The following CSMD1 variants were observed in gnomAD, a reference collection of about 807,000 sequenced individuals.
The protein encoded by CSMD1 is CUB and Sushi multiple domains 1, also known as CUB and sushi domain-containing protein 1.
In CSMD1, 213 loss-of-function variants were observed where a neutral mutation model predicts 417.5. The observed-to-expected ratio is 0.51, with a 90% CI of 0.46 to 0.57. CSMD1 has a LOEUF of 0.57. CSMD1 is among the 20% of genes least tolerant of loss of function. The probability of loss-of-function intolerance (pLI) is 0.00; values close to 1 mark genes in which losing one functional copy is unlikely to be tolerated. For synonymous variants in CSMD1, 2,862 were observed against 1,736.8 expected (o/e 1.65, Z -16.11); for missense variants, 6,923 against 4,529.7 (o/e 1.53, Z -15.17).
At chr8:3,240,163 G>C (rs1799405724) in intron 26 of CSMD1, among the ~76,000 whole-genome samples, 1 of 152,110 alleles carries the variant, frequency 6.6e-6, no homozygotes, top group Non-Finnish European at 1.5e-5. Flanking sequence ...ACTCGGTGCG[G>C]TCCCGGTTCT....
chr8:4,409,392 T>A (rs1796520938), intron 3 of CSMD1, among the ~76,000 whole-genome samples: 1 of 152,150 alleles, frequency 6.6e-6, no homozygotes, highest in Non-Finnish European at 1.5e-5. Context: ...AATTTACCCT[T>A]TCTCAGTGAT....
chr8:3,396,378 A>G lies in CSMD1; in HGVS notation c.2409T>C (p.Phe803=). The G allele has an allele frequency of 6.4e-7, 1 of 1,572,660 alleles. No individual in the cohort carries two copies. The highest frequency in any genetic ancestry group is 8.6e-7 in the Non-Finnish European group (1 of 1,159,406). The change falls in exon 17 of 70, where the codon TTT becomes TTC. Residue 803 remains phenylalanine (F), a synonymous_variant. Coordinates refer to ENST00000635120, the MANE Select transcript of CSMD1 (RefSeq NM_033225.6). ...AGGTGTCATAATTGACCTCTGTCTG[A>G]AATCTGCAAATATATACATCCCATC... ...GHSIKITFDR[F]QTEVNYDTLE...
At chr8:3,836,909 A>G (rs1225594953) in intron 5 of CSMD1, among the ~76,000 whole-genome samples, 2 of 151,938 alleles carry the variant, frequency 1.3e-5, no homozygotes, top group Non-Finnish European at 2.9e-5. Context: ...TTTTCAGGAC[A>G]TTATTTTCCT....
At chr8:4,180,303 CATT>C (rs1306330669) in intron 3 of CSMD1, among the ~76,000 whole-genome samples, 8 of 151,778 alleles carry the variant, frequency 5.3e-5, no homozygotes, top group Non-Finnish European at 8.8e-5. Context: ...TGGAAATCAT[CATT>C]GTCAGTAAAC....
chr8:4,149,097 G>T (rs1050040429), intron 3 of CSMD1, among the ~76,000 whole-genome samples: 1 of 151,974 alleles, frequency 6.6e-6, no homozygotes, highest in Non-Finnish European at 1.5e-5. Flanking sequence ...CCAAGTAGCT[G>T]GGATTACAGG....
chr8:3,674,736 C>T (rs754633519), intron 7 of CSMD1, among the ~76,000 whole-genome samples: 1 of 152,106 alleles, frequency 6.6e-6, no homozygotes, highest in Admixed American at 6.6e-5. Flanking sequence ...CAAGTCCCTG[C>T]CCTTCATCCC....
In CSMD1 at chr8:4,418,035, G is replaced by C. The variant is rs369014933; in HGVS notation, c.415+1918C>G. 2.0e-3 allele frequency among the ~76,000 whole-genome samples: 302 copies of C among 151,934 alleles called. 1 individual carries two copies. Among genetic ancestry groups the C allele is most frequent in the African/African-American group, 6.9e-3 (285 of 41,448 alleles). Reference sequence around the variant, plus strand: ...CAAATAACGCACACTCATTTTTGCAGGAGACCTGGAAGCTAACTGATAAAT... The same window carrying C: ...CAAATAACGCACACTCATTTTTGCACGAGACCTGGAAGCTAACTGATAAAT... On this transcript the variant is annotated intron_variant, in intron 3 of 69. Coordinates refer to ENST00000635120, the MANE Select transcript of CSMD1 (RefSeq NM_033225.6).
At chr8:4,607,641 T>A (rs1800949343) in intron 2 of CSMD1, among the ~76,000 whole-genome samples, 1 of 152,148 alleles carries the variant, frequency 6.6e-6, no homozygotes. Flanking sequence ...TTTTTTGGTG[T>A]AAAAATGGAT....
chr8:4,129,066 G>C (rs557526034), intron 3 of CSMD1, among the ~76,000 whole-genome samples: 4 of 97,656 alleles, frequency 4.1e-5, no homozygotes, highest in African/African-American at 1.6e-4. Context: ...CAGAGTGAGA[G>C]TCCAACTCAA....
At chr8:4,977,089 C>T (rs552588036) in intron 1 of CSMD1, among the ~76,000 whole-genome samples, 3 of 152,282 alleles carry the variant, frequency 2.0e-5, no homozygotes, top group Non-Finnish European at 2.9e-5. Flanking sequence ...ATTGGCGTTT[C>T]TCTCAAGATG....
At chr8:4,892,888 C>T (rs991298186) in intron 1 of CSMD1, among the ~76,000 whole-genome samples, 1 of 152,074 alleles carries the variant, frequency 6.6e-6, no homozygotes. Flanking sequence ...AGACTGTTTT[C>T]CCTTTGGCTT....
intron 2 of CSMD1, among the ~76,000 whole-genome samples, chr8:4,566,071 C>T (rs1798592104): frequency 6.6e-6 from 1 of 151,948 alleles, no homozygotes; most frequent in African/African-American, 2.4e-5. Flanking sequence ...GATATATTAA[C>T]TCTGTTCTTC....
At chr8:4,456,078 A>G (rs1353524284) in intron 2 of CSMD1, among the ~76,000 whole-genome samples, 1 of 128,606 alleles carries the variant, frequency 7.8e-6, no homozygotes, top group Non-Finnish European at 1.7e-5. Flanking sequence ...AAAAAAAAAA[A>G]AAAATGTGAA....
intron 7 of CSMD1, among the ~76,000 whole-genome samples, chr8:3,640,874 G>A (rs971874058): frequency 2.6e-5 from 4 of 152,002 alleles, no homozygotes; most frequent in Non-Finnish European, 5.9e-5. Context: ...TATTGTTAAT[G>A]ATGTCAGTAT....
chr8:4,707,174 T>G (rs1563184945), intron 1 of CSMD1, among the ~76,000 whole-genome samples: 1 of 152,190 alleles, frequency 6.6e-6, no homozygotes, highest in Non-Finnish European at 1.5e-5. Flanking sequence ...TAACTTCCTC[T>G]TATTGAATAG....
chr8:4,414,277 AC>A (rs1389433693), intron 3 of CSMD1, among the ~76,000 whole-genome samples: 1 of 152,198 alleles, frequency 6.6e-6, no homozygotes, highest in African/African-American at 2.4e-5. Flanking sequence ...CAACAGAGTG[AC>A]ACCCTGGTAA....
intron 3 of CSMD1, among the ~76,000 whole-genome samples, chr8:4,379,847 C>T (rs1481856001): frequency 3.3e-5 from 5 of 152,162 alleles, no homozygotes; most frequent in East Asian, 1.9e-4. Flanking sequence ...GTGATCCCTG[C>T]TAGGAGACAG....
chr8:4,543,096 A>G (rs1797472759), intron 2 of CSMD1, among the ~76,000 whole-genome samples: 1 of 152,200 alleles, frequency 6.6e-6, no homozygotes, highest in Admixed American at 6.5e-5. Context: ...CCTATTATCA[A>G]CATCCTGCAT....
intron 3 of CSMD1, among the ~76,000 whole-genome samples, chr8:4,067,904 C>T (rs552450416): frequency 1.3e-5 from 2 of 151,996 alleles, no homozygotes; most frequent in African/African-American, 4.8e-5. Flanking sequence ...TGATGAAACC[C>T]CAACTCTACT....
Sources: gnomAD v4.1 joint callset for allele counts (sites outside exome capture counted in the v4.1 genomes callset) on GRCh38, gnomAD v4.1.1 for gene constraint, MANE v1.5 for transcripts, NCBI Gene and HGNC (gene_info 2026-07-23, HGNC 2026-07-21) for gene names.